GNG7: variants seen among roughly 807,000 people sequenced by gnomAD.
GNG7 encodes G protein subunit gamma 7.
Under a neutral mutation model 4.0 loss-of-function variants are expected in GNG7, and 1 was observed. The observed-to-expected ratio is 0.25, with a 90% CI of 0.09 to 1.18. The LOEUF (loss-of-function observed/expected upper bound fraction) is 1.18. Ranked by LOEUF, GNG7 falls within the 50% of genes most tolerant of loss-of-function variation. The pLI, the probability that GNG7 is intolerant of heterozygous loss-of-function variation, is 0.50. For synonymous variants in GNG7, 34 were observed against 36.9 expected (o/e 0.92, Z 0.29); for missense variants, 86 against 91.9 (o/e 0.94, Z 0.26).
At chr19:2,672,698 G>A (rs1271687004) in intron 1 of GNG7, among the ~76,000 whole-genome samples, 1 of 151,688 alleles carries the variant, frequency 6.6e-6, no homozygotes, top group African/African-American at 2.4e-5. Context: ...TGCCCGCCTC[G>A]ACCTCCCAAA....
At chr19:2,636,432 G>A (rs947798133) in intron 2 of GNG7, among the ~76,000 whole-genome samples, 1 of 152,114 alleles carries the variant, frequency 6.6e-6, no homozygotes, top group Non-Finnish European at 1.5e-5. Context: ...GGCACCCCAG[G>A]GCCTGATGGT....
At chr19:2,642,501 G>C (rs2144856624) in intron 2 of GNG7, 6 of 346,296 alleles carry the variant, frequency 1.7e-5, no homozygotes, top group South Asian at 1.3e-4. Context: ...CAGTAGCTGG[G>C]ATTTCAGGTG....
Position 2,653,786 on chromosome 19 carries a change from C to T in GNG7, c.-134-7506G>A, listed in dbSNP as rs1380937572. Among the ~76,000 whole-genome samples the T allele has an allele frequency of 6.6e-6, 1 of 152,188 alleles. No individual in the cohort carries two copies. The highest frequency in any genetic ancestry group is 1.5e-5 in the Non-Finnish European group (1 of 68,024). On this transcript the variant is annotated intron_variant, in intron 1 of 4. Transcript: ENST00000382159. The surrounding 1 kb of genome is among the most constrained non-coding windows in gnomAD (Gnocchi z 4.8). Reference sequence around the variant, plus strand: ...GGATCTTCAGATGGTGCCCTTGAGGCCCAGGGCCCGTGTCCCCTCCTCACT... The same window carrying T: ...GGATCTTCAGATGGTGCCCTTGAGGTCCAGGGCCCGTGTCCCCTCCTCACT...
rs576049584 is a variant in GNG7 at position 2,560,834 on chromosome 19, G to A, written c.-77-5646C>T. ...TAGCCAGGCGTGGTGGTGGGTGCCT[G>A]TAATCCCAGGTACTCAGGAGGCTGA... On this transcript the variant is annotated intron_variant, in intron 2 of 4. Coordinates refer to ENST00000382159, the MANE Select transcript of GNG7 (RefSeq NM_052847.3). Among the ~76,000 whole-genome samples the A allele has an allele frequency of 2.0e-4, 31 of 152,008 alleles. 1 individual carries two copies. The East Asian group carries it at 5.4e-3, about 27-fold the overall frequency.
At chr19:2,548,394 T>C (rs1359403994) in intron 3 of GNG7, among the ~76,000 whole-genome samples, 1 of 145,646 alleles carries the variant, frequency 6.9e-6, no homozygotes, top group African/African-American at 2.6e-5. Context: ...GGCAGGAGAA[T>C]GCCGTGAACT....
intron 4 of GNG7, 85 bp from the exon 5 acceptor site, chr19:2,515,232 C>A: frequency 6.4e-7 from 1 of 1,569,746 alleles, no homozygotes; most frequent in South Asian, 1.1e-5. Flanking sequence ...TTCCCAAGAG[C>A]CACAGGCGGA....
chr19:2,544,212 G>C (rs935968712), intron 3 of GNG7, among the ~76,000 whole-genome samples: 1 of 152,162 alleles, frequency 6.6e-6, no homozygotes, highest in Non-Finnish European at 1.5e-5. Flanking sequence ...CAAACAAAAT[G>C]GAACAGTAGT....
At chr19:2,556,568 C>T (rs781420173) in intron 2 of GNG7, among the ~76,000 whole-genome samples, 1 of 152,146 alleles carries the variant, frequency 6.6e-6, no homozygotes, top group Non-Finnish European at 1.5e-5. Context: ...CCGGGCCACC[C>T]ACACACGACA....
Position 2,514,657 on chromosome 19 carries a change from C to T in GNG7, c.*365G>A, listed in dbSNP as rs946639433. 7 of 172,122 alleles carry T rather than the reference C, an allele frequency of 4.1e-5. No homozygotes were observed. The highest frequency in any genetic ancestry group is 3.2e-4 in the East Asian group (2 of 6,290). 10.7% of individuals were successfully genotyped at this position (172,122 alleles called of 1,614,324 possible). A position where few individuals can be genotyped will look rare whatever the true frequency, so the allele number is the denominator to read the frequency against. Reference sequence around the variant, plus strand: ...GTCACCTCCCTTTCCCCCTCGGCGCCGGTCCACAATTGAAACGGCAATCGA... The same window carrying T: ...GTCACCTCCCTTTCCCCCTCGGCGCTGGTCCACAATTGAAACGGCAATCGA... On this transcript the variant is annotated 3_prime_UTR_variant, in exon 5 of 5. Coordinates refer to ENST00000382159, the MANE Select transcript of GNG7 (RefSeq NM_052847.3).
At chr19:2,594,370 C>T (rs926611973) in intron 2 of GNG7, among the ~76,000 whole-genome samples, 24 of 144,314 alleles carry the variant, frequency 1.7e-4, no homozygotes, top group Non-Finnish European at 2.8e-4. Context: ...GTGAGACTCC[C>T]TCAAGAAAGA....
chr19:2,516,573 G>A lies in GNG7; in HGVS notation c.82-1426C>T, dbSNP rs145557254. 5.1e-3 allele frequency among the ~76,000 whole-genome samples: 773 copies of A among 152,274 alleles called. 4 individuals carry two copies. The highest frequency in any genetic ancestry group is 0.017 in the African/African-American group (712 of 41,544). ...AAAGGCTGAGCTTCCTTCAGCAAGC[G>A]TTGCCAGATTTTGAACACAAAGGGT... is the stretch of plus-strand genomic sequence containing the variant. On this transcript the variant is annotated intron_variant, in intron 4 of 4. Coordinates refer to ENST00000382159, the MANE Select transcript of GNG7 (RefSeq NM_052847.3).
chr19:2,568,546 C>G (rs1980025732), intron 2 of GNG7, among the ~76,000 whole-genome samples: 1 of 151,826 alleles, frequency 6.6e-6, no homozygotes, highest in Non-Finnish European at 1.5e-5. Context: ...CACACATACA[C>G]ATATATATAC....
At chr19:2,693,394 T>C (rs942142687) in intron 1 of GNG7, among the ~76,000 whole-genome samples, 8 of 136,610 alleles carry the variant, frequency 5.9e-5, no homozygotes, top group African/African-American at 2.2e-4. Context: ...CCAGCCTGGG[T>C]GACAGAGCGA....
chr19:2,571,797 T>A (rs1980157347), intron 2 of GNG7, among the ~76,000 whole-genome samples: 1 of 151,822 alleles, frequency 6.6e-6, no homozygotes, highest in Admixed American at 6.6e-5. Context: ...GGTTTCACCA[T>A]GTTGGCCAGG....
Position 2,618,000 on chromosome 19 carries a change from G to T in GNG7, c.-78+28224C>A, listed in dbSNP as rs767208607. ...CTCCCAAAGCGCTGAGATTACAGGC[G>T]TGACTATTTCCTTATCTTCTAAGAC... is the stretch of plus-strand genomic sequence containing the variant. On this transcript the variant is annotated intron_variant, in intron 2 of 4. Transcript: ENST00000382159. This position sits in a 1 kb window ranked among gnomAD's most constrained non-coding sequence, Gnocchi z 4.7. Among the ~76,000 whole-genome samples the T allele has an allele frequency of 6.6e-6, 1 of 151,958 alleles. No homozygotes were observed. The highest frequency in any genetic ancestry group is 1.5e-5 in the Non-Finnish European group (1 of 67,986).
intron 1 of GNG7, among the ~76,000 whole-genome samples, chr19:2,681,561 A>G (rs1471362825): frequency 2.6e-5 from 4 of 152,012 alleles, no homozygotes; most frequent in Non-Finnish European, 4.4e-5. Flanking sequence ...TAGCCACATC[A>G]CCGGGCCAGA....
chr19:2,610,964 G>C (rs1367724417), intron 2 of GNG7: 1 of 142,268 alleles, frequency 7.0e-6, no homozygotes, highest in African/African-American at 2.6e-5. Flanking sequence ...GGGGACGAGG[G>C]GGCGGGTGGG....
intron 1 of GNG7, among the ~76,000 whole-genome samples, chr19:2,656,103 G>C (rs1214640943): frequency 2.0e-5 from 3 of 151,268 alleles, no homozygotes; most frequent in African/African-American, 7.3e-5. Flanking sequence ...AACCCTGTGT[G>C]CTGTTGGTGG....
chr19:2,585,979 C>T (rs1980660927), intron 2 of GNG7, among the ~76,000 whole-genome samples: 1 of 152,210 alleles, frequency 6.6e-6, no homozygotes, highest in African/African-American at 2.4e-5. Context: ...GGATTACAGG[C>T]GTGAACCGCC....
Sources: gnomAD v4.1 joint callset for allele counts (sites outside exome capture counted in the v4.1 genomes callset) on GRCh38, gnomAD v4.1.1 for gene constraint, Gnocchi (gnomAD v3.1) non-coding constraint, MANE v1.5 for transcripts, NCBI Gene and HGNC (gene_info 2026-07-23, HGNC 2026-07-21) for gene names.